MDFIC: variants seen among roughly 807,000 people sequenced by gnomAD.
MDFIC encodes myoD family inhibitor domain-containing protein.
In MDFIC, 17 loss-of-function variants were observed where a neutral mutation model predicts 23.2. That is an observed-to-expected ratio of 0.73 (90% CI 0.50 to 1.10). MDFIC has a LOEUF of 1.10. Among genes scored for constraint, MDFIC ranks in the 50% least tolerant of loss-of-function variants. The pLI is 0.00. For missense variants in MDFIC, 356 were observed against 316.6 expected (o/e 1.12, Z -0.95); for synonymous variants, 120 against 115.2 (o/e 1.04, Z -0.27).
chr7:114,952,200 A>G (rs1467648388), intron 3 of MDFIC, among the ~76,000 whole-genome samples: 1 of 152,232 alleles, frequency 6.6e-6, no homozygotes, highest in African/African-American at 2.4e-5. Context: ...ACTCACAAAC[A>G]TGAGAATCTT....
intron 4 of MDFIC, among the ~76,000 whole-genome samples, chr7:114,995,384 T>C (rs1002238026): frequency 6.6e-6 from 1 of 152,252 alleles, no homozygotes; most frequent in African/African-American, 2.4e-5. Context: ...GTTCCATTGC[T>C]GGCGAGGAGC....
At chr7:114,961,449 G>A (rs1792989941) in intron 3 of MDFIC, among the ~76,000 whole-genome samples, 1 of 152,246 alleles carries the variant, frequency 6.6e-6, no homozygotes. Context: ...GTTAATAATT[G>A]TTGGCAGTAG....
chr7:114,937,779 G>GTAAA (rs1308586353), intron 2 of MDFIC, among the ~76,000 whole-genome samples: 7 of 152,152 alleles, frequency 4.6e-5, no homozygotes, highest in Admixed American at 4.6e-4. Flanking sequence ...TTTGTCCAGA[G>GTAAA]TAAACATACT....
chr7:114,979,744 T>C lies in MDFIC; in HGVS notation c.456T>C (p.Asn152=), dbSNP rs1341568222. The change falls in exon 4 of 5, where the codon AAT becomes AAC. Residue 152 remains asparagine (N), a synonymous_variant. Coordinates refer to ENST00000393486, the MANE Select transcript of MDFIC (RefSeq NM_001166345.3). The part of the protein sequence containing the change: ...NSDISKKSKV[N]AVFSQKTGSS... ...ATATCAGTAAGAAGAGCAAAGTAAA[T>C]GCTGTCTTTTCCCAAAAGACAGGCT... 6.2e-7 allele frequency: 1 copy of C among 1,614,076 alleles called. No homozygotes were observed. Among genetic ancestry groups the C allele is most frequent in the East Asian group, 2.2e-5 (1 of 44,870 alleles).
intron 4 of MDFIC, among the ~76,000 whole-genome samples, chr7:114,996,362 A>G (rs1190719869): frequency 1.3e-5 from 2 of 152,200 alleles, no homozygotes; most frequent in Admixed American, 1.3e-4. Context: ...TGTGAAAGAC[A>G]GGGATTAAGG....
chr7:114,996,152 T>A (rs1175907370), intron 4 of MDFIC, among the ~76,000 whole-genome samples: 1 of 152,184 alleles, frequency 6.6e-6, no homozygotes, highest in East Asian at 1.9e-4. Flanking sequence ...TTTTTAAACA[T>A]CACTTTGCCT....
intron 4 of MDFIC, among the ~76,000 whole-genome samples, chr7:114,981,549 C>A (rs1793417540): frequency 6.6e-6 from 1 of 152,166 alleles, no homozygotes; most frequent in Non-Finnish European, 1.5e-5. Context: ...TGGCCTACCA[C>A]AGAGCTCTGG....
intron 3 of MDFIC, among the ~76,000 whole-genome samples, chr7:114,959,824 C>CTAA (rs56917725): frequency 0.41 from 59,296 of 145,284 alleles, 12,223 homozygotes; most frequent in Middle Eastern, 0.44. Context: ...TCTAAATAGA[C>CTAA]TAATAATAAT....
At position 114,948,428 on chromosome 7, in the gene MDFIC, G is replaced by A. The variant is rs537588073; in HGVS notation, c.217+6031G>A. On this transcript the variant is annotated intron_variant, in intron 3 of 4. Transcript: ENST00000393486. ...ATTTTCTGAGGAGGTGAATAGGAAT[G>A]ACACTTTATTTATGGCCTTTTTTGC... Among the ~76,000 whole-genome samples the A allele has an allele frequency of 1.2e-3, 176 of 152,192 alleles. 1 individual carries two copies. Among genetic ancestry groups the A allele is most frequent in the South Asian group, 4.4e-3 (21 of 4,808 alleles).
intron 4 of MDFIC, among the ~76,000 whole-genome samples, chr7:114,982,542 A>C (rs1371440983): frequency 6.6e-6 from 1 of 151,946 alleles, no homozygotes; most frequent in African/African-American, 2.4e-5. Flanking sequence ...AGAAAAAAAA[A>C]AATCTACCTG....
At chr7:115,000,463 T>C (rs1455441961) in intron 4 of MDFIC, among the ~76,000 whole-genome samples, 2 of 152,180 alleles carry the variant, frequency 1.3e-5, no homozygotes, top group Non-Finnish European at 2.9e-5. Context: ...TTTATCTCCA[T>C]GGCACACCAC....
intron 4 of MDFIC, among the ~76,000 whole-genome samples, chr7:115,013,577 G>T (rs980964155): frequency 6.6e-6 from 1 of 152,184 alleles, no homozygotes; most frequent in Non-Finnish European, 1.5e-5. Context: ...TTTCAGTGAG[G>T]TATTGTTGGA....
intron 3 of MDFIC, among the ~76,000 whole-genome samples, chr7:114,969,662 A>T (rs952026290): frequency 1.3e-5 from 2 of 152,234 alleles, no homozygotes; most frequent in Admixed American, 1.3e-4. Flanking sequence ...GACCAAGAGC[A>T]GTTATCTACT....
At chr7:114,953,321 G>T (rs377485635) in intron 3 of MDFIC, among the ~76,000 whole-genome samples, 1 of 151,948 alleles carries the variant, frequency 6.6e-6, no homozygotes, top group African/African-American at 2.4e-5. Flanking sequence ...CAAAAAAATA[G>T]GTATATATCA....
At chr7:115,003,363 A>G (rs914573779) in intron 4 of MDFIC, among the ~76,000 whole-genome samples, 2 of 152,164 alleles carry the variant, frequency 1.3e-5, no homozygotes, top group African/African-American at 4.8e-5. Context: ...GAACATTTTC[A>G]TTTGAGTATC....
rs1416800451 is a variant in MDFIC, at chr7:115,019,500, A to C, written c.*3565A>C. Among the ~76,000 whole-genome samples, 1 of 152,098 alleles carries C rather than the reference A, an allele frequency of 6.6e-6. No individual in the cohort carries two copies. The highest frequency in any genetic ancestry group is 1.9e-4 in the East Asian group (1 of 5,206). On this transcript the variant is annotated 3_prime_UTR_variant, in exon 5 of 5. Coordinates refer to ENST00000393486, the MANE Select transcript of MDFIC (RefSeq NM_001166345.3). ...CGTCAAACATCACTGCCCAACATAAATAAGACTCGAGACTTATTAACATAA... is the reference window on the plus strand; with the variant it reads ...CGTCAAACATCACTGCCCAACATAACTAAGACTCGAGACTTATTAACATAA...
chr7:114,992,117 GA>G (rs1791182038), intron 4 of MDFIC, among the ~76,000 whole-genome samples: 1 of 152,200 alleles, frequency 6.6e-6, no homozygotes, highest in Admixed American at 6.5e-5. Context: ...AAGCAATTGT[GA>G]ATGGGAGTTC....
rs1039593804 is a variant in MDFIC, at chr7:114,922,363, GGCCCCCTC to G, written c.-378_-371del. ...GGGAAAGAGAGGCAGAGAGGGGGAAGGCCCCCTCGCAGGGGAGCCGGCTGGAGTGAGCT... is the reference window on the plus strand; with the variant it reads ...GGGAAAGAGAGGCAGAGAGGGGGAAGGCAGGGGAGCCGGCTGGAGTGAGCT... On this transcript the variant is annotated 5_prime_UTR_variant, in exon 1 of 5. Transcript: ENST00000393486. 7.6e-6 allele frequency: 9 copies of G among 1,185,738 alleles called. No individual in the cohort carries two copies. The highest frequency in any genetic ancestry group is 8.5e-6 in the Non-Finnish European group (8 of 944,810). 73.5% of individuals were successfully genotyped at this position (1,185,738 alleles called of 1,614,324 possible).
intron 4 of MDFIC, among the ~76,000 whole-genome samples, chr7:114,998,196 T>G (rs1366092404): frequency 2.6e-5 from 4 of 152,216 alleles, no homozygotes; most frequent in Non-Finnish European, 2.9e-5. Flanking sequence ...AAAAACTGTC[T>G]GATGACTCAT....
Sources: gnomAD v4.1 joint callset for allele counts (sites outside exome capture counted in the v4.1 genomes callset) on GRCh38, gnomAD v4.1.1 for gene constraint, MANE v1.5 for transcripts, NCBI Gene and HGNC (gene_info 2026-07-23, HGNC 2026-07-21) for gene names.